The following ZNF394 variants were observed in gnomAD, a reference collection of about 807,000 sequenced individuals.
ZNF394 encodes zinc finger protein 99.
In ZNF394, 19 loss-of-function variants were observed where a neutral mutation model predicts 21.8. That is an observed-to-expected ratio of 0.87 (90% CI 0.61 to 1.28). The LOEUF (loss-of-function observed/expected upper bound fraction) is 1.28. Among genes scored for constraint, ZNF394 ranks in the 50% most tolerant of loss-of-function variants. ZNF394 has a pLI of 0.00. For missense variants in ZNF394, 683 were observed against 708.6 expected, an observed-to-expected ratio of 0.96 and a Z score of 0.41; for synonymous variants, 294 against 273.3, an observed-to-expected ratio of 1.08 and a Z score of -0.75.
chr7:99,489,788 AAG>A (rs761082627), downstream of ZNF394, among the ~76,000 whole-genome samples: 1 of 152,206 alleles, frequency 6.6e-6, no homozygotes, highest in Non-Finnish European at 1.5e-5. Flanking sequence ...TCAACAATAT[AAG>A]AGATCCATTT....
chr7:99,487,181 G>T (rs779145089), intron 1 of ZNF394: 1 of 1,614,054 alleles, frequency 6.2e-7, no homozygotes. Context: ...GCCTTTGGCC[G>T]GCATTCAACC....
chr7:99,494,838 G>A (rs919828042), intron 2 of ZNF394, among the ~76,000 whole-genome samples: 2 of 151,988 alleles, frequency 1.3e-5, no homozygotes, highest in East Asian at 3.9e-4. Context: ...GAGTTCAACT[G>A]ATTATCCTAC....
chr7:99,499,793 C>T lies in ZNF394; in HGVS notation c.301G>A (p.Glu101Lys). The T allele has an allele frequency of 6.2e-7, 1 of 1,614,210 alleles. No homozygotes were observed. Among genetic ancestry groups the T allele is most frequent in the Non-Finnish European group, 8.5e-7 (1 of 1,180,046 alleles). ...AGCACCAGCAGCTCCAGGATCTGCT[C>T]CTTGGAGAGCAGCTCGGGTCTCAGC... ...RWLRPELLSK[E>K]QILELLVLEQ... Residue 101 changes from glutamate to lysine, a missense_variant, in exon 1 of 3, where the codon GAG (glutamate) becomes AAG (lysine). Transcript: ENST00000337673.
At position 99,500,220 on chromosome 7, in the gene ZNF394, T is replaced by C. The variant is rs1800481307; in HGVS notation, c.-127A>G. The C allele has an allele frequency of 3.8e-6, 3 of 796,570 alleles. No individual in the cohort carries two copies. The highest frequency in any genetic ancestry group is 5.7e-6 in the Non-Finnish European group (3 of 527,512). 49.3% of individuals were successfully genotyped at this position (796,570 alleles called of 1,614,324 possible). On this transcript the variant is annotated 5_prime_UTR_variant, in exon 1 of 3. Coordinates refer to ENST00000337673, the MANE Select transcript of ZNF394 (RefSeq NM_032164.4). ...ACCGGGCCCCACCACACCAGGCCCC[T>C]CTCCACACTCTCCTTTCCTCAGCTT...
Position 99,486,537 on chromosome 7 carries a change from A to G in ZNF394, n.510T>C, listed in dbSNP as rs779521866. 2.7e-5 allele frequency: 43 copies of G among 1,613,994 alleles called. No individual in the cohort carries two copies. In the African/African-American group the frequency reaches 5.1e-4, roughly 19 times the overall value. On this transcript the variant is annotated non_coding_transcript_exon_variant, in exon 2 of 2. Coordinates refer to the ZNF394 transcript ENST00000462024. Reference sequence around the variant, plus strand: ...CAAAACAGAAATTTTCTGAAGATTTAGAGTCATATAAGATATCAGTGGTAA... The same window carrying G: ...CAAAACAGAAATTTTCTGAAGATTTGGAGTCATATAAGATATCAGTGGTAA...
At chr7:99,499,398 GAAAAAAAAAAA>G (rs376340266) in intron 1 of ZNF394, among the ~76,000 whole-genome samples, 1 of 103,406 alleles carries the variant, frequency 9.7e-6, no homozygotes, top group African/African-American at 3.5e-5. Flanking sequence ...AGAACAACAA[GAAAAAAAAAAA>G]AAAGAAAAGA....
chr7:99,486,947 T>C (rs1462890547), exon 2 of ZNF394: 2 of 1,614,146 alleles, frequency 1.2e-6, no homozygotes, highest in South Asian at 2.2e-5. Context: ...GCTCTTACGG[T>C]CCATAAACAG....
chr7:99,495,570 C>G lies in ZNF394; in HGVS notation c.584-939G>C, dbSNP rs149105424. ...GAACTCCTCTGACCTTGTTATCCAC[C>G]CCCCTCGGCCTTGCAAAGTGTTGCG... On this transcript the variant is annotated intron_variant, in intron 2 of 2. Transcript: ENST00000337673. Among the ~76,000 whole-genome samples, 10 of 151,578 alleles carry G rather than the reference C, an allele frequency of 6.6e-5. No homozygotes were observed. The East Asian group carries it at 1.9e-3, about 29-fold the overall frequency.
chr7:99,494,969 A>G (rs986410993), intron 2 of ZNF394, among the ~76,000 whole-genome samples: 2 of 151,816 alleles, frequency 1.3e-5, no homozygotes, highest in Non-Finnish European at 2.9e-5. Context: ...TCTTGACCTC[A>G]TGATCCGCTC....
At chr7:99,490,146 CTTTTTTTTT>C (rs943034221), downstream of ZNF394, among the ~76,000 whole-genome samples, 4 of 89,196 alleles carry the variant, frequency 4.5e-5, no homozygotes, top group East Asian at 4.0e-4. Context: ...AAAACCTCAT[CTTTTTTTTT>C]TTTTTTTTTT....
At position 99,498,840 on chromosome 7, in the gene ZNF394, C is replaced by G; in HGVS notation, c.459G>C (p.Gly153=). 6.2e-7 allele frequency: 1 copy of G among 1,612,344 alleles called. No individual in the cohort carries two copies. The change falls in exon 2 of 3, where the codon GGG becomes GGC. Residue 153 remains glycine, a splice_region_variant and synonymous_variant. Coordinates refer to ENST00000337673, the MANE Select transcript of ZNF394 (RefSeq NM_032164.4). The part of the protein sequence containing the change: ...QRALDGTSSQ[G]MVTFEDTAVS... ...CAGCCGTGTCCTCGAAAGTCACCAT[C>G]CCCTGGAACAACACAAGAGCCCCAT...
rs777091972 is a variant in ZNF394, at chr7:99,494,181, A to G, written c.1034T>C (p.Leu345Pro). The change falls in exon 3 of 3, where the codon CTT (leucine) becomes CCT (proline). Residue 345 changes from leucine (L) to proline (P), a missense_variant. Physicochemically the swap from Leu to Pro is moderately conservative, Grantham distance 98. Around this residue, in one of 3 missense-constraint regions of ZNF394, gnomAD observed 274 missense variants for 314.1 expected, o/e 0.87. Transcript: ENST00000337673. ...ATGGAGCTGCCTCTGGGTCTCAAAA[A>G]GGCTGGAATGATGGAAACTGTCTCC... ...DSGDSFHHSS[L>P]FETQRQLHEE... The G allele has an allele frequency of 2.6e-5, 42 of 1,614,114 alleles. No homozygotes were observed. Among genetic ancestry groups the G allele is most frequent in the Non-Finnish European group, 3.5e-5 (41 of 1,180,046 alleles).
In ZNF394 at chr7:99,493,861, G is replaced by C; in HGVS notation, c.1354C>G (p.His452Asp). The C allele has an allele frequency of 6.2e-7, 1 of 1,614,150 alleles. No homozygotes were observed. Among genetic ancestry groups the C allele is most frequent in the Non-Finnish European group, 8.5e-7 (1 of 1,180,030 alleles). Reference protein sequence around the residue: ...FKCEECGETCHISNLFRHQRL... With the variant: ...FKCEECGETCDISNLFRHQRL... ...TGATGTCTAAAAAGGTTGGAAATAT[G>C]ACAGGTTTCCCCGCATTCCTCACAT... The change falls in exon 3 of 3, where the codon CAT becomes GAT. Residue 452 changes from histidine (H) to aspartate (D), a missense_variant. By Grantham distance (81) the His-to-Asp change is moderately conservative (BLOSUM62 -1). This residue lies in a region of ZNF394 where 274 missense variants were observed against 314.1 expected (regional missense o/e 0.87). Coordinates refer to ENST00000337673, the MANE Select transcript of ZNF394 (RefSeq NM_032164.4).
chr7:99,498,597 G>A, intron 2 of ZNF394, 119 bp downstream of exon 2: 1 of 1,450,836 alleles, frequency 6.9e-7, no homozygotes, highest in Non-Finnish European at 9.3e-7. Context: ...TTGCGTTACA[G>A]AAGGCACCTG....
In ZNF394 at chr7:99,494,435, T is replaced by C; in HGVS notation, c.780A>G (p.Glu260=). 1.2e-6 allele frequency: 2 copies of C among 1,614,172 alleles called. No individual in the cohort carries two copies. Among genetic ancestry groups the C allele is most frequent in the Non-Finnish European group, 1.7e-6 (2 of 1,180,044 alleles). The change falls in exon 3 of 3, where the codon GAA becomes GAG. Residue 260 remains glutamate, a synonymous_variant. Coordinates refer to ENST00000337673, the MANE Select transcript of ZNF394 (RefSeq NM_032164.4). ...PLPLKLENSP[E]AEGLNSISDV... ...CTGAGATGCTGTTGAGTCCTTCTGC[T>C]TCAGGAGAATTTTCAAGTTTCAGGG...
chr7:99,500,168 A>G lies in ZNF394; in HGVS notation c.-75T>C. ...AAAGAGCAAACCCAAGGAACTCATC[A>G]GCCGTCAACACCCTCCGGTCCCAAA... On this transcript the variant is annotated 5_prime_UTR_variant, in exon 1 of 3. Coordinates refer to ENST00000337673, the MANE Select transcript of ZNF394 (RefSeq NM_032164.4). The G allele has an allele frequency of 7.0e-7, 1 of 1,430,692 alleles. No homozygotes were observed. The highest frequency in any genetic ancestry group is 9.3e-7 in the Non-Finnish European group (1 of 1,078,206). The allele number at this position is 1,430,692 out of a possible 1,614,324, so 88.6% of individuals were successfully genotyped here.
chr7:99,491,771 CAAA>C (rs768073826), downstream of ZNF394, among the ~76,000 whole-genome samples: 2 of 34,964 alleles, frequency 5.7e-5, no homozygotes, highest in Admixed American at 3.3e-4. Flanking sequence ...GAATCTGTCT[CAAA>C]AAAAAAAAAA....
exon 2 of ZNF394, chr7:99,486,600 T>C (rs1020561488): frequency 5.0e-6 from 8 of 1,614,210 alleles, no homozygotes; most frequent in Admixed American, 3.3e-5. Context: ...AAAAGTTACA[T>C]AAGTGTAAAG....
At chr7:99,497,122 G>GTATATATATATATATA (rs1206330509) in intron 2 of ZNF394, among the ~76,000 whole-genome samples, 15 of 79,412 alleles carry the variant, frequency 1.9e-4, no homozygotes, top group African/African-American at 3.7e-4. Flanking sequence ...GTGTGTGTGT[G>GTATATATATATATATA]TATATATATA....
Sources: gnomAD v4.1 joint callset for allele counts (sites outside exome capture counted in the v4.1 genomes callset) on GRCh38, gnomAD v4.1.1 for gene constraint, gnomAD v4.1.1 regional missense constraint, MANE v1.5 for transcripts, NCBI Gene and HGNC (gene_info 2026-07-23, HGNC 2026-07-21) for gene names.